The following XXYLT1 variants were observed in gnomAD, a reference collection of about 807,000 sequenced individuals.
XXYLT1 encodes xyloside xylosyltransferase 1.
In XXYLT1, 20 loss-of-function variants were observed where a neutral mutation model predicts 28.9. The observed-to-expected ratio is 0.69, with a 90% CI of 0.49 to 1.00. The LOEUF (loss-of-function observed/expected upper bound fraction) is 1.00, where lower values mean the gene tolerates loss of function less well. Ranked by LOEUF, XXYLT1 falls within the 50% of genes least tolerant of loss-of-function variation. The probability of loss-of-function intolerance (pLI) is 0.00; values close to 1 mark genes in which losing one functional copy is unlikely to be tolerated. For synonymous variants in XXYLT1, 257 were observed against 253.8 expected (o/e 1.01, Z -0.12); for missense variants, 542 against 560.1 (o/e 0.97, Z 0.33).
intron 2 of XXYLT1, among the ~76,000 whole-genome samples, chr3:195,202,715 C>T (rs533592333): frequency 6.6e-6 from 1 of 152,264 alleles, no homozygotes; most frequent in South Asian, 2.1e-4. Context: ...TGAGACTATC[C>T]GATGCATAGT....
intron 3 of XXYLT1, among the ~76,000 whole-genome samples, chr3:195,071,805 G>A (rs1006412755): frequency 2.0e-5 from 3 of 152,174 alleles, no homozygotes. Context: ...CATGACATCA[G>A]AGAGGAGGGA....
Position 195,110,768 on chromosome 3 carries a change from GGT to G in XXYLT1, c.786-40659_786-40658del, listed in dbSNP as rs765081632. 9.4e-3 allele frequency among the ~76,000 whole-genome samples: 65 copies of G among 6,886 alleles called. 2 individuals carry two copies. The highest frequency in any genetic ancestry group is 0.03 in the African/African-American group (58 of 1,964). The allele number at this position is 6,886 out of a possible 152,430, so 4.5% of individuals were successfully genotyped here. ...ATGTGTGTGGTGTATAAGTGTGTGT[GGT>G]GTGTGTGTGGTGTATAAGTGTATGT... On this transcript the variant is annotated intron_variant, in intron 3 of 3. Coordinates refer to ENST00000310380, the MANE Select transcript of XXYLT1 (RefSeq NM_152531.5).
chr3:195,151,521 C>G (rs1361232818), intron 3 of XXYLT1, among the ~76,000 whole-genome samples: 10 of 151,676 alleles, frequency 6.6e-5, no homozygotes, highest in Admixed American at 5.3e-4. Flanking sequence ...CAGAGAGAGA[C>G]TCTGTCTTTA....
At chr3:195,118,930 T>C (rs1370459123) in intron 3 of XXYLT1, among the ~76,000 whole-genome samples, 1 of 152,168 alleles carries the variant, frequency 6.6e-6, no homozygotes, top group Admixed American at 6.5e-5. Context: ...TCATTAGCTG[T>C]ACATCAGCAG....
chr3:195,121,684 A>G (rs1173596937), intron 3 of XXYLT1, among the ~76,000 whole-genome samples: 3 of 152,154 alleles, frequency 2.0e-5, no homozygotes, highest in Non-Finnish European at 4.4e-5. Context: ...GGAGAATGGC[A>G]CCCAAAACAA....
chr3:195,104,593 C>T (rs1716987144), intron 3 of XXYLT1, among the ~76,000 whole-genome samples: 1 of 152,086 alleles, frequency 6.6e-6, no homozygotes, highest in African/African-American at 2.4e-5. Context: ...AGGCGGGGAC[C>T]CGGGAGATCC....
At chr3:195,126,093 A>G (rs1344821679) in intron 3 of XXYLT1, among the ~76,000 whole-genome samples, 1 of 152,126 alleles carries the variant, frequency 6.6e-6, no homozygotes, top group African/African-American at 2.4e-5. Flanking sequence ...TTATTTTTCA[A>G]TTTCTGTTTA....
intron 3 of XXYLT1, among the ~76,000 whole-genome samples, chr3:195,118,769 A>G (rs1718180541): frequency 6.6e-6 from 1 of 152,232 alleles, no homozygotes; most frequent in African/African-American, 2.4e-5. Flanking sequence ...GACAGCGCCA[A>G]TCCCAGAAAC....
At chr3:195,226,269 G>A (rs1047083689) in intron 2 of XXYLT1, among the ~76,000 whole-genome samples, 1 of 152,180 alleles carries the variant, frequency 6.6e-6, no homozygotes, top group Non-Finnish European at 1.5e-5. Context: ...CTACATGGTC[G>A]TAATTTGCAC....
intron 3 of XXYLT1, among the ~76,000 whole-genome samples, chr3:195,090,290 C>A (rs1716058300): frequency 6.6e-6 from 1 of 151,712 alleles, no homozygotes; most frequent in African/African-American, 2.4e-5. Flanking sequence ...AAGCTCTCCT[C>A]AGCAAATGTA....
At chr3:195,206,215 T>C (rs1053491937) in intron 2 of XXYLT1, among the ~76,000 whole-genome samples, 3 of 151,538 alleles carry the variant, frequency 2.0e-5, no homozygotes, top group African/African-American at 7.3e-5. Flanking sequence ...CTTCACTGTG[T>C]TAGCCAGGAT....
chr3:195,243,145 G>A (rs1390603528), intron 1 of XXYLT1, among the ~76,000 whole-genome samples: 3 of 152,022 alleles, frequency 2.0e-5, no homozygotes, highest in Non-Finnish European at 2.9e-5. Context: ...TCACTCATAG[G>A]TGGGAACTGA....
At chr3:195,262,440 G>A (rs893824015) in intron 1 of XXYLT1, among the ~76,000 whole-genome samples, 5 of 152,118 alleles carry the variant, frequency 3.3e-5, no homozygotes, top group African/African-American at 1.2e-4. Flanking sequence ...AAAACCACTG[G>A]ATTGTATACA....
chr3:195,206,497 G>T (rs571569713), intron 2 of XXYLT1, among the ~76,000 whole-genome samples: 1 of 151,844 alleles, frequency 6.6e-6, no homozygotes, highest in African/African-American at 2.4e-5. Context: ...AGCCAGTTGC[G>T]GTGGCTCACA....
chr3:195,258,009 G>C (rs1725543127), intron 1 of XXYLT1, among the ~76,000 whole-genome samples: 1 of 152,154 alleles, frequency 6.6e-6, no homozygotes, highest in Non-Finnish European at 1.5e-5. Context: ...CCTAAGCAAA[G>C]CCTGCACTAT....
chr3:195,087,649 C>T (rs1444417729), intron 3 of XXYLT1, among the ~76,000 whole-genome samples: 4 of 152,170 alleles, frequency 2.6e-5, no homozygotes, highest in Non-Finnish European at 5.9e-5. Context: ...CAGATCAAAG[C>T]GGGCATTAAA....
intron 3 of XXYLT1, among the ~76,000 whole-genome samples, chr3:195,145,696 A>G: frequency 6.6e-6 from 1 of 152,242 alleles, no homozygotes; most frequent in Admixed American, 6.5e-5. Flanking sequence ...CTGAAAGTCC[A>G]TAGAATCCAC....
chr3:195,231,938 T>C (rs887157198), intron 1 of XXYLT1, among the ~76,000 whole-genome samples: 3 of 152,152 alleles, frequency 2.0e-5, no homozygotes, highest in African/African-American at 4.8e-5. Context: ...TCCTCCCCTA[T>C]TTTTCAGAAT....
chr3:195,234,882 T>G (rs2108814092), intron 1 of XXYLT1, among the ~76,000 whole-genome samples: 1 of 152,260 alleles, frequency 6.6e-6, no homozygotes, highest in Non-Finnish European at 1.5e-5. Flanking sequence ...CTTCCTGTAC[T>G]TGAATATTTA....
Sources: allele counts gnomAD v4.1 joint callset (sites outside exome capture counted in the v4.1 genomes callset), GRCh38; gene constraint gnomAD v4.1.1; transcripts MANE v1.5; gene names NCBI Gene and HGNC (gene_info 2026-07-23, HGNC 2026-07-21).